The following STARD9 variants were observed in gnomAD, a reference collection of about 807,000 sequenced individuals.
The protein encoded by STARD9 is StAR related lipid transfer domain containing 9, also known as stAR-related lipid transfer protein 9.
Under a neutral mutation model 399.8 loss-of-function variants are expected in STARD9, and 346 were observed. The observed-to-expected ratio is 0.87, with a 90% CI of 0.79 to 0.95. STARD9 has a LOEUF of 0.95. STARD9 is among the 40% of genes least tolerant of loss of function. STARD9 has a pLI of 0.00. For synonymous variants in STARD9, 2,203 were observed against 2,143.5 expected (o/e 1.03, Z -0.77); for missense variants, 5,832 against 5,667.5 (o/e 1.03, Z -0.93).
chr15:42,607,194 CT>C (rs763484090), intron 3 of STARD9, among the ~76,000 whole-genome samples: 1,082 of 39,234 alleles, frequency 0.028, 41 homozygotes, highest in African/African-American at 0.1. Flanking sequence ...TTTTCTGGTG[CT>C]TTTTTTTTTT....
intron 21 of STARD9, 100 bp from the exon 22 acceptor site, chr15:42,682,004 C>T: frequency 2.5e-6 from 2 of 808,774 alleles, no homozygotes; most frequent in Non-Finnish European, 3.8e-6. Context: ...AGCTCTTTCA[C>T]TCCACACAGG....
At chr15:42,683,968 T>G in intron 22 of STARD9, 148 bp from the exon 23 acceptor site, 1 of 789,478 alleles carries the variant, frequency 1.3e-6, no homozygotes, top group Non-Finnish European at 1.9e-6. Flanking sequence ...AGGACTAGAG[T>G]CCACAATTTC....
chr15:42,606,631 T>A (rs529863234), intron 3 of STARD9, among the ~76,000 whole-genome samples: 4 of 102,630 alleles, frequency 3.9e-5, no homozygotes, highest in Admixed American at 3.8e-4. Flanking sequence ...AATTTTTGTA[T>A]TTTTTTTTTT....
chr15:42,638,739 G>A lies in STARD9; in HGVS notation c.486G>A (p.Leu162=). The A allele has an allele frequency of 6.5e-7, 1 of 1,536,538 alleles. No individual in the cohort carries two copies. The highest frequency in any genetic ancestry group is 8.7e-7 in the Non-Finnish European group (1 of 1,146,504). The part of the protein sequence containing the change: ...EIYNERVRDL[L]KQSGQKKSYT... ...ATAATGAACGGGTGCGGGATCTGTT[G>A]AAGCAATCTGGTCAAAAAAAGTCCT... Residue 162 remains leucine (L), a synonymous_variant, in exon 7 of 33, where the codon TTG becomes TTA. Transcript: ENST00000290607.
intron 11 of STARD9, 189 bp downstream of exon 11, chr15:42,663,080 AG>A: frequency 1.4e-6 from 1 of 695,674 alleles, no homozygotes; most frequent in Non-Finnish European, 2.4e-6. Flanking sequence ...TTTCTCAAAG[AG>A]GGGAGTCTAA....
At chr15:42,656,251 G>A (rs2059867738) in intron 9 of STARD9, among the ~76,000 whole-genome samples, 3 of 142,252 alleles carry the variant, frequency 2.1e-5, no homozygotes, top group South Asian at 2.2e-4. Context: ...CGAGGCTGAA[G>A]CTGGAGAATT....
chr15:42,590,358 C>T (rs1265963745), intron 3 of STARD9, among the ~76,000 whole-genome samples: 1 of 152,256 alleles, frequency 6.6e-6, no homozygotes, highest in African/African-American at 2.4e-5. Context: ...GTGTGTCTTT[C>T]ATCCCTAGGT....
chr15:42,618,807 T>C (rs1406581036), intron 3 of STARD9, among the ~76,000 whole-genome samples: 1 of 150,482 alleles, frequency 6.6e-6, no homozygotes, highest in Non-Finnish European at 1.5e-5. Context: ...ATCTTGACCT[T>C]GTGATCCACC....
At chr15:42,615,974 A>T (rs538195901) in intron 3 of STARD9, among the ~76,000 whole-genome samples, 24 of 152,352 alleles carry the variant, frequency 1.6e-4, no homozygotes, top group African/African-American at 5.8e-4. Flanking sequence ...ATGGAAGGAA[A>T]CACATCAGGC....
chr15:42,658,111 G>A (rs1678291323), intron 9 of STARD9, among the ~76,000 whole-genome samples: 1 of 152,120 alleles, frequency 6.6e-6, no homozygotes, highest in South Asian at 2.1e-4. Flanking sequence ...AGTACAAATT[G>A]AAATCGAGTT....
intron 4 of STARD9, among the ~76,000 whole-genome samples, chr15:42,635,562 C>A (rs1024889101): frequency 6.6e-6 from 1 of 152,066 alleles, no homozygotes; most frequent in East Asian, 1.9e-4. Context: ...ATCTCCTCAT[C>A]TCGTGATCTG....
chr15:42,636,727 C>A (rs990804271), intron 4 of STARD9, among the ~76,000 whole-genome samples: 1 of 152,118 alleles, frequency 6.6e-6, no homozygotes, highest in Non-Finnish European at 1.5e-5. Flanking sequence ...GCTCATTGCT[C>A]GCTTTGTCCT....
chr15:42,691,573 C>G lies in STARD9; in HGVS notation c.9995C>G (p.Ser3332Cys), dbSNP rs200058353. 5.8e-4 allele frequency: 889 copies of G among 1,537,280 alleles called. 5 individuals carry two copies. The Admixed American group carries it at 6.8e-3, about 12-fold the overall frequency. ...PTPQFSVVGSSRSLQELNLSV... is the reference protein window; with the variant it reads ...PTPQFSVVGSCRSLQELNLSV... ...CCACAGTTCTCAGTTGTCGGCTCTT[C>G]TCGTTCTCTTCAGGAGCTGAACTTG... Residue 3332 changes from serine to cysteine, a missense_variant, in exon 23 of 33, where the codon TCT becomes TGT. By Grantham distance (112) the Ser-to-Cys change is moderately radical (BLOSUM62 -1). Coordinates refer to ENST00000290607, the MANE Select transcript of STARD9 (RefSeq NM_020759.3).
intron 26 of STARD9, among the ~76,000 whole-genome samples, chr15:42,708,518 A>G (rs1449689431): frequency 6.6e-6 from 1 of 152,194 alleles, no homozygotes; most frequent in Non-Finnish European, 1.5e-5. Context: ...TTTGGTTTAG[A>G]TATTTCATCT....
At position 42,688,287 on chromosome 15, in the gene STARD9, C is replaced by G. The variant is rs771646070; in HGVS notation, c.6709C>G (p.Pro2237Ala). The G allele has an allele frequency of 8.5e-6, 13 of 1,537,420 alleles. No individual in the cohort carries two copies. In the South Asian group the frequency reaches 1.3e-4, roughly 15 times the overall value. ...VKASASLKGQ[P>A]WGLGSLEELE... ...AGCATCAGCAAGTCTCAAAGGGCAG[C>G]CTTGGGGCTTAGGAAGTCTTGAGGA... is the stretch of plus-strand genomic sequence containing the variant. Residue 2237 changes from proline (P) to alanine (A), a missense_variant, in exon 23 of 33, where the codon CCT (proline) becomes GCT (alanine). Physicochemically the swap from Pro to Ala is conservative, Grantham distance 27. Transcript: ENST00000290607.
intron 7 of STARD9, among the ~76,000 whole-genome samples, chr15:42,650,477 C>T (rs1255478335): frequency 1.3e-5 from 2 of 152,206 alleles, no homozygotes; most frequent in East Asian, 1.9e-4. Flanking sequence ...CTCACTTCTT[C>T]TGTGGAACCT....
Position 42,675,758 on chromosome 15 carries a change from T to C in STARD9, c.1770+12T>C. The C allele has an allele frequency of 6.5e-7, 1 of 1,536,694 alleles. No homozygotes were observed. Among genetic ancestry groups the C allele is most frequent in the Non-Finnish European group, 8.7e-7 (1 of 1,146,390 alleles). Reference sequence around the variant, plus strand: ...GGCAGCGAAGGCAGGTTAGCAGGGCTGTGTTTTCTAGGTTATTGCTGGCCT... The same window carrying C: ...GGCAGCGAAGGCAGGTTAGCAGGGCCGTGTTTTCTAGGTTATTGCTGGCCT... On this transcript the variant is annotated intron_variant, in intron 19 of 32. Coordinates refer to ENST00000290607, the MANE Select transcript of STARD9 (RefSeq NM_020759.3).
chr15:42,624,965 G>A (rs2059170540), intron 3 of STARD9, among the ~76,000 whole-genome samples: 1 of 152,154 alleles, frequency 6.6e-6, no homozygotes, highest in Non-Finnish European at 1.5e-5. Context: ...TAACAATGGA[G>A]TTACAGACCC....
At chr15:42,675,843 G>T in intron 19 of STARD9, 29 bp from the exon 20 acceptor site, 1 of 1,536,304 alleles carries the variant, frequency 6.5e-7, no homozygotes. Context: ...GATGACAGCA[G>T]CCTCACTGTG....
Sources: allele counts gnomAD v4.1 joint callset (sites outside exome capture counted in the v4.1 genomes callset), GRCh38; gene constraint gnomAD v4.1.1; transcripts MANE v1.5; gene names NCBI Gene and HGNC (gene_info 2026-07-23, HGNC 2026-07-21).